Variants in TMSB15B observed in about 807,000 individuals in gnomAD.
TMSB15B encodes the protein thymosin beta-15B.
intron 1 of TMSB15B, chrX:103,928,512 A>C (rs1474117254): frequency 1.7e-6 from 2 of 1,197,261 alleles, no homozygotes; most frequent in African/African-American, 3.5e-5. Context: ...AAAGGGTGCA[A>C]AATGTGCTCC....
intron 1 of TMSB15B, among the ~76,000 whole-genome samples, chrX:103,930,723 T>TTAA (rs1556319788): frequency 1.5e-4 from 11 of 74,576 alleles, no homozygotes; most frequent in African/African-American, 5.9e-4. Flanking sequence ...AATGATGCTG[T>TTAA]TGATAATAAT....
chrX:103,927,581 C>T (rs1269009165), intron 1 of TMSB15B, among the ~76,000 whole-genome samples: 1 of 110,834 alleles, frequency 9.0e-6, no homozygotes, highest in Non-Finnish European at 1.9e-5. Flanking sequence ...ATTCCCCTTA[C>T]CCAAATTTAA....
At chrX:103,924,809 G>A (rs782801554) in intron 1 of TMSB15B, among the ~76,000 whole-genome samples, 4 of 111,429 alleles carry the variant, frequency 3.6e-5, no homozygotes, top group Non-Finnish European at 7.5e-5. Flanking sequence ...TTACTAGGCT[G>A]TAAACATAGG....
At chrX:103,943,080 T>C (rs1569448902) in intron 1 of TMSB15B, among the ~76,000 whole-genome samples, 1 of 111,661 alleles carries the variant, frequency 9.0e-6, no homozygotes, top group Non-Finnish European at 1.9e-5. Flanking sequence ...GGAGTACAAA[T>C]GGGACAACTC....
intron 1 of TMSB15B, among the ~76,000 whole-genome samples, chrX:103,939,660 A>G (rs2075007492): frequency 9.0e-6 from 1 of 111,090 alleles, no homozygotes; most frequent in South Asian, 3.8e-4. Context: ...ACTTCTGTCA[A>G]TTCGTCAAAC....
chrX:103,930,317 T>A (rs2074981127), intron 1 of TMSB15B, among the ~76,000 whole-genome samples: 1 of 111,236 alleles, frequency 9.0e-6, no homozygotes, highest in Non-Finnish European at 1.9e-5. Context: ...AGAGGTCACC[T>A]TCTCTTTGGA....
chrX:103,944,262 T>C (rs1182406028), intron 1 of TMSB15B, among the ~76,000 whole-genome samples: 2 of 112,320 alleles, frequency 1.8e-5, no homozygotes, highest in African/African-American at 6.5e-5. Flanking sequence ...ATTCATAGTA[T>C]TGTACTCTGT....
At chrX:103,937,203 T>A (rs5945865) in intron 1 of TMSB15B, among the ~76,000 whole-genome samples, 34,967 of 110,470 alleles carry the variant, frequency 0.32, 4,880 homozygotes, top group Middle Eastern at 0.53. Context: ...TAGGGAGGAG[T>A]CCATCTGTTT....
At chrX:103,936,098 G>A (rs2074997155) in intron 1 of TMSB15B, among the ~76,000 whole-genome samples, 1 of 110,424 alleles carries the variant, frequency 9.1e-6, no homozygotes, top group Admixed American at 9.6e-5. Flanking sequence ...CACCTGCCTC[G>A]GCCTCCCAAA....
chrX:103,937,105 A>T (rs2075000200), intron 1 of TMSB15B, among the ~76,000 whole-genome samples: 1 of 112,189 alleles, frequency 8.9e-6, no homozygotes. Flanking sequence ...ATTGATGTTC[A>T]CTAGGGATAT....
At chrX:103,929,103 G>T (rs1832991753) in intron 1 of TMSB15B, 3 of 678,967 alleles carry the variant, frequency 4.4e-6, no homozygotes, top group Non-Finnish European at 6.4e-6. Context: ...TGGCTCGGTT[G>T]CCTAATACAG....
intron 1 of TMSB15B, chrX:103,928,548 A>G (rs1267488779): frequency 8.4e-7 from 1 of 1,185,107 alleles, no homozygotes; most frequent in Non-Finnish European, 1.1e-6. Flanking sequence ...AAGCTCGCTT[A>G]CCCAGCACCT....
intron 1 of TMSB15B, among the ~76,000 whole-genome samples, chrX:103,934,502 C>A (rs1356871151): frequency 9.1e-6 from 1 of 110,202 alleles, no homozygotes; most frequent in Non-Finnish European, 1.9e-5. Context: ...CCCCCCGCTC[C>A]CAGACAGGCC....
chrX:103,924,816 T>C (rs1358718401), intron 1 of TMSB15B, among the ~76,000 whole-genome samples: 1 of 111,214 alleles, frequency 9.0e-6, no homozygotes, highest in Non-Finnish European at 1.9e-5. Flanking sequence ...GCTGTAAACA[T>C]AGGAGGCAGG....
chrX:103,919,704 C>T (rs1209332225), intron 1 of TMSB15B, among the ~76,000 whole-genome samples: 7 of 112,262 alleles, frequency 6.2e-5, no homozygotes, highest in African/African-American at 1.9e-4. Flanking sequence ...GATGGGAGGA[C>T]CAACTTGGGA....
At chrX:103,948,749 A>G (rs1287231639) in intron 1 of TMSB15B, among the ~76,000 whole-genome samples, 3 of 112,687 alleles carry the variant, frequency 2.7e-5, no homozygotes, top group African/African-American at 9.7e-5. Context: ...AAAAATCACC[A>G]GAAAATGATT....
intron 1 of TMSB15B, among the ~76,000 whole-genome samples, chrX:103,936,982 CG>C (rs2074999892): frequency 3.6e-5 from 4 of 111,932 alleles, no homozygotes; most frequent in African/African-American, 1.3e-4. Flanking sequence ...TATTGATTTG[CG>C]TGTGTTGAAC....
chrX:103,939,508 G>A (rs1436994205), intron 1 of TMSB15B, among the ~76,000 whole-genome samples: 1 of 110,238 alleles, frequency 9.1e-6, no homozygotes, highest in Non-Finnish European at 1.9e-5. Flanking sequence ...GCTCCATCAG[G>A]TCATTTATGC....
At chrX:103,926,370 A>T (rs182646332) in intron 1 of TMSB15B, among the ~76,000 whole-genome samples, 43 of 88,594 alleles carry the variant, frequency 4.9e-4, no homozygotes, top group Non-Finnish European at 8.7e-4. Flanking sequence ...GGGGTGGGGT[A>T]TGAATGAGAT....
Sources: allele counts gnomAD v4.1 joint callset (sites outside exome capture counted in the v4.1 genomes callset), GRCh38; gene constraint gnomAD v4.1.1; transcripts MANE v1.5; gene names NCBI Gene and HGNC (gene_info 2026-07-23, HGNC 2026-07-21).